The following PTPRN2 variants were observed in gnomAD, a reference collection of about 807,000 sequenced individuals.
PTPRN2 encodes the protein protein tyrosine phosphatase receptor type N2.
A neutral mutation model predicts 118.8 loss-of-function variants in PTPRN2; 74 were observed. The observed-to-expected ratio is 0.62, with a 90% CI of 0.52 to 0.76. The LOEUF is 0.76. Ranked by LOEUF, PTPRN2 falls within the 30% of genes least tolerant of loss-of-function variation. The probability of loss-of-function intolerance (pLI) is 0.00; values close to 1 mark genes in which losing one functional copy is unlikely to be tolerated. For synonymous variants in PTPRN2, 641 were observed against 608.0 expected (o/e 1.05, Z -0.80); for missense variants, 1,481 against 1,394.4 (o/e 1.06, Z -0.99).
chr7:158,094,508 T>C (rs1814468115), intron 10 of PTPRN2, among the ~76,000 whole-genome samples: 1 of 152,030 alleles, frequency 6.6e-6, no homozygotes, highest in Non-Finnish European at 1.5e-5. Context: ...GGCGTTTCAC[T>C]ATGTTGGCCA....
At chr7:158,436,923 C>T (rs1816613251) in intron 2 of PTPRN2, among the ~76,000 whole-genome samples, 1 of 152,236 alleles carries the variant, frequency 6.6e-6, no homozygotes, top group Admixed American at 6.5e-5. Flanking sequence ...CACAAAACTG[C>T]CAATATTCAA....
chr7:158,072,278 T>G (rs1812003660), intron 11 of PTPRN2, among the ~76,000 whole-genome samples: 1 of 152,156 alleles, frequency 6.6e-6, no homozygotes, highest in Non-Finnish European at 1.5e-5. Flanking sequence ...CCTGATGGTG[T>G]GCAGTGCCCT....
chr7:157,736,924 G>A (rs796994202), intron 12 of PTPRN2, among the ~76,000 whole-genome samples: 39 of 152,262 alleles, frequency 2.6e-4, no homozygotes, highest in African/African-American at 8.4e-4. Context: ...GCTCCTCTCC[G>A]TCCTGGTGGG....
chr7:157,983,470 G>A (rs1478739929), intron 11 of PTPRN2, among the ~76,000 whole-genome samples: 1 of 152,110 alleles, frequency 6.6e-6, no homozygotes, highest in Non-Finnish European at 1.5e-5. Flanking sequence ...CCAAAACCCC[G>A]AGTCACAGAG....
At chr7:158,572,851 G>A (rs111903152) in intron 1 of PTPRN2, among the ~76,000 whole-genome samples, 1,530 of 152,298 alleles carry the variant, frequency 0.01, 21 homozygotes, top group African/African-American at 0.035. Context: ...AAATAAAGAT[G>A]AGACTATAGT....
intron 3 of PTPRN2, among the ~76,000 whole-genome samples, chr7:158,265,461 G>T (rs1797810476): frequency 6.6e-6 from 1 of 152,006 alleles, no homozygotes; most frequent in African/African-American, 2.4e-5. Context: ...CACACCGACG[G>T]GACACACCTG....
In PTPRN2 at chr7:158,325,791, G is replaced by A. The variant is rs79033873; in HGVS notation, c.164-8859C>T. ...CGTTCCAGGGCTGGGCAGGGACTGC[G>A]ACCATTTCTAGAATCGTCACAAAGC... On this transcript the variant is annotated intron_variant, in intron 2 of 22. Coordinates refer to ENST00000389418, the MANE Select transcript of PTPRN2 (RefSeq NM_002847.5). Among the ~76,000 whole-genome samples the A allele has an allele frequency of 4.2e-3, 638 of 152,362 alleles. 7 individuals are homozygous for A. Among genetic ancestry groups the A allele is most frequent in the African/African-American group, 0.013 (554 of 41,590 alleles).
In PTPRN2 at chr7:158,529,918, C is replaced by T. The variant is rs552061171; in HGVS notation, c.113-40133G>A. Among the ~76,000 whole-genome samples the T allele has an allele frequency of 2.2e-3, 329 of 152,126 alleles. 2 individuals carry two copies. The highest frequency in any genetic ancestry group is 7.1e-3 in the African/African-American group (294 of 41,496). ...GTGCCACACACAGCACACATATGCA[C>T]GCTACCACACACATGCACACATGTA... On this transcript the variant is annotated intron_variant, in intron 1 of 22. Coordinates refer to ENST00000389418, the MANE Select transcript of PTPRN2 (RefSeq NM_002847.5). This position sits in a 1 kb window ranked among gnomAD's most constrained non-coding sequence, Gnocchi z 4.7.
intron 11 of PTPRN2, among the ~76,000 whole-genome samples, chr7:158,032,604 C>G (rs1339734182): frequency 1.3e-5 from 2 of 152,102 alleles, no homozygotes; most frequent in Non-Finnish European, 1.5e-5. Flanking sequence ...AGAATCTCAA[C>G]TGGGTCAATT....
At chr7:157,860,620 C>G (rs1043087582) in intron 12 of PTPRN2, among the ~76,000 whole-genome samples, 9 of 152,264 alleles carry the variant, frequency 5.9e-5, no homozygotes, top group Non-Finnish European at 1.2e-4. Context: ...ATGCAAATCT[C>G]ATTTCTGTTC....
At chr7:158,305,104 A>T (rs1474580385) in intron 3 of PTPRN2, among the ~76,000 whole-genome samples, 3 of 152,164 alleles carry the variant, frequency 2.0e-5, no homozygotes, top group Non-Finnish European at 2.9e-5. Context: ...CCTGGACACC[A>T]AGGGAGGAGG....
chr7:158,262,923 ATT>A (rs771245526), intron 3 of PTPRN2, among the ~76,000 whole-genome samples: 46 of 139,828 alleles, frequency 3.3e-4, no homozygotes, highest in Middle Eastern at 3.8e-3. Context: ...CTGCACACAC[ATT>A]CACACACTGC....
At chr7:158,325,290 T>C (rs1288557180) in intron 2 of PTPRN2, among the ~76,000 whole-genome samples, 1 of 152,160 alleles carries the variant, frequency 6.6e-6, no homozygotes, top group Non-Finnish European at 1.5e-5. Flanking sequence ...CAGGCGCCTG[T>C]GGCACAGATT....
intron 12 of PTPRN2, among the ~76,000 whole-genome samples, chr7:157,875,752 G>A (rs532011784): frequency 6.6e-6 from 1 of 151,914 alleles, no homozygotes; most frequent in Admixed American, 6.5e-5. Flanking sequence ...GGGCTGCAGA[G>A]GGTCAGGAGG....
At chr7:157,643,081 C>A (rs947991069) in intron 14 of PTPRN2, among the ~76,000 whole-genome samples, 1 of 152,192 alleles carries the variant, frequency 6.6e-6, no homozygotes, top group Non-Finnish European at 1.5e-5. Flanking sequence ...TTGAAAATAT[C>A]ATTAAGTCAA....
Position 157,785,854 on chromosome 7 carries a change from G to T in PTPRN2, c.1789-102917C>A, listed in dbSNP as rs1385648371. Among the ~76,000 whole-genome samples the T allele has an allele frequency of 2.6e-5, 4 of 152,174 alleles. No homozygotes were observed. The highest frequency in any genetic ancestry group is 5.9e-5 in the Non-Finnish European group (4 of 68,032). ...GCGTTTTCCCTTCTGCACAACAGCGGAGGTTTTCCTGGAGTTCATAATCAC... is the reference window on the plus strand; with the variant it reads ...GCGTTTTCCCTTCTGCACAACAGCGTAGGTTTTCCTGGAGTTCATAATCAC... On this transcript the variant is annotated intron_variant, in intron 12 of 22. Coordinates refer to ENST00000389418, the MANE Select transcript of PTPRN2 (RefSeq NM_002847.5). This position sits in a 1 kb window ranked among gnomAD's most constrained non-coding sequence, Gnocchi z 7.3.
chr7:158,291,617 T>G (rs1225148408), intron 3 of PTPRN2, among the ~76,000 whole-genome samples: 1 of 152,242 alleles, frequency 6.6e-6, no homozygotes, highest in African/African-American at 2.4e-5. Flanking sequence ...AAACTGACCC[T>G]GGACAGTGCT....
At chr7:158,173,212 C>T (rs758943494) in intron 5 of PTPRN2, among the ~76,000 whole-genome samples, 1 of 152,126 alleles carries the variant, frequency 6.6e-6, no homozygotes, top group African/African-American at 2.4e-5. Flanking sequence ...TCAATAGCAG[C>T]ATCCCCACCA....
chr7:158,264,977 C>T lies in PTPRN2; in HGVS notation c.277+51842G>A, dbSNP rs139261210. 1.4e-3 allele frequency among the ~76,000 whole-genome samples: 212 copies of T among 152,194 alleles called. 2 individuals carry two copies. Among genetic ancestry groups the T allele is most frequent in the African/African-American group, 4.5e-3 (188 of 41,514 alleles). The stretch of plus-strand genomic sequence containing the variant: ...CTCACCTGCTAGAGCAGTCGAGGTC[C>T]GCCTGTTCACAACAGCCCTCCTGGC... On this transcript the variant is annotated intron_variant, in intron 3 of 22. Transcript: ENST00000389418.
Sources: gnomAD v4.1 joint callset for allele counts (sites outside exome capture counted in the v4.1 genomes callset) on GRCh38, gnomAD v4.1.1 for gene constraint, Gnocchi (gnomAD v3.1) non-coding constraint, MANE v1.5 for transcripts, NCBI Gene and HGNC (gene_info 2026-07-23, HGNC 2026-07-21) for gene names.